The following DBX1 variants were observed in gnomAD, a reference collection of about 807,000 sequenced individuals.
The protein encoded by DBX1 is developing brain homeobox 1, also known as homeobox protein DBX1.
DBX1 carries 10 observed loss-of-function variants against 20.8 expected under a neutral mutation model. That is an observed-to-expected ratio of 0.48 (90% CI 0.30 to 0.82). DBX1 has a LOEUF of 0.82. DBX1 is among the 40% of genes least tolerant of loss of function. The pLI, the probability that DBX1 is intolerant of heterozygous loss-of-function variation, is 0.07. For missense variants in DBX1, 505 were observed against 468.8 expected, an observed-to-expected ratio of 1.08 and a Z score of -0.71; for synonymous variants, 241 against 213.9, an observed-to-expected ratio of 1.13 and a Z score of -1.11.
In DBX1 at chr11:20,160,434, G is replaced by T. The variant is rs1345815668; in HGVS notation, c.-110C>A. On this transcript the variant is annotated 5_prime_UTR_variant, in exon 1 of 4. Transcript: ENST00000524983. ...GTCCTCTCTCTTGGGCTTAGCAAACGTCTCCAAGTAACAATCCCACTTGGG... is the reference window on the plus strand; with the variant it reads ...GTCCTCTCTCTTGGGCTTAGCAAACTTCTCCAAGTAACAATCCCACTTGGG... 1.5e-6 allele frequency: 2 copies of T among 1,339,236 alleles called. No homozygotes were observed. Among genetic ancestry groups the T allele is most frequent in the Non-Finnish European group, 1.9e-6 (2 of 1,034,828 alleles). 83.0% of individuals were successfully genotyped at this position (1,339,236 alleles called of 1,614,324 possible). A position where few individuals can be genotyped will look rare whatever the true frequency, so the allele number is the denominator to read the frequency against.
At position 20,159,864 on chromosome 11, in the gene DBX1, T is replaced by C. The variant is rs545095950; in HGVS notation, c.367+94A>G. The C allele has an allele frequency of 3.9e-6, 6 of 1,553,620 alleles. No individual in the cohort carries two copies. In the African/African-American group the frequency reaches 6.8e-5, roughly 18 times the overall value. ...CGTATTGTGTGTGCACCGATGTGTG[T>C]GTGGGGGCCCGCTCGCTAGAGGAAA... On this transcript the variant is annotated intron_variant, in intron 1 of 3. Transcript: ENST00000524983.
Position 20,156,193 on chromosome 11 carries a change from A to T in DBX1, c.*21T>A. 1 of 1,515,750 alleles carries T rather than the reference A, an allele frequency of 6.6e-7. No homozygotes were observed. The highest frequency in any genetic ancestry group is 8.8e-7 in the Non-Finnish European group (1 of 1,133,236). 93.9% of individuals were successfully genotyped at this position (1,515,750 alleles called of 1,614,324 possible). On this transcript the variant is annotated 3_prime_UTR_variant, in exon 4 of 4. Transcript: ENST00000524983. The surrounding 1 kb of genome is among the most constrained non-coding windows in gnomAD (Gnocchi z 4.8). ...CGATTTCAAAGCACTTAAAAATAGT[A>T]CTCTGGCGTGCGAGCGGCTTCTAGG...
At position 20,156,947 on chromosome 11, in the gene DBX1, A is replaced by C; in HGVS notation, c.672+90T>G. The C allele has an allele frequency of 2.2e-6, 3 of 1,360,128 alleles. No homozygotes were observed. The highest frequency in any genetic ancestry group is 1.5e-5 in the African/African-American group (1 of 66,764). The allele number at this position is 1,360,128 out of a possible 1,614,324, so 84.3% of individuals were successfully genotyped here. A position where few individuals can be genotyped will look rare whatever the true frequency, so the allele number is the denominator to read the frequency against. On this transcript the variant is annotated intron_variant, in intron 3 of 3. Coordinates refer to ENST00000524983, the MANE Select transcript of DBX1 (RefSeq NM_001029865.4). This position sits in a 1 kb window ranked among gnomAD's most constrained non-coding sequence, Gnocchi z 4.8. ...TTTCCCATCTGTACAGTGGGACCTA[A>C]GCCGTTTCCGAACCCTTGCAATTGA...
chr11:20,157,027 A>G lies in DBX1; in HGVS notation c.672+10T>C. 6.2e-7 allele frequency: 1 copy of G among 1,613,372 alleles called. No homozygotes were observed. The highest frequency in any genetic ancestry group is 8.5e-7 in the Non-Finnish European group (1 of 1,179,902). The stretch of plus-strand genomic sequence containing the variant: ...GGGCGGGGGGGGTGCTGTGGAGGAA[A>G]TGCGCTCACCTGCGAGTCTTTCAGG... On this transcript the variant is annotated intron_variant, in intron 3 of 3. Transcript: ENST00000524983.
intron 2 of DBX1, among the ~76,000 whole-genome samples, chr11:20,158,443 T>C (rs897844676): frequency 7.9e-5 from 12 of 152,174 alleles, no homozygotes; most frequent in African/African-American, 2.9e-4. Flanking sequence ...GTTTGAATCA[T>C]CAGTGAGGTT....
At chr11:20,157,286 G>A in intron 2 of DBX1, 47 bp from the exon 3 acceptor site, 19 of 1,485,644 alleles carry the variant, frequency 1.3e-5, no homozygotes, top group South Asian at 2.4e-5. Context: ...ACGCCCCCCA[G>A]TCCCAACACG....
intron 2 of DBX1, 108 bp from the exon 3 acceptor site, chr11:20,157,347 T>G (rs974292496): frequency 9.9e-7 from 1 of 1,011,366 alleles, no homozygotes; most frequent in South Asian, 1.7e-5. Flanking sequence ...AAACGCTCCT[T>G]TTTCTCCCCC....
intron 1 of DBX1, among the ~76,000 whole-genome samples, chr11:20,159,733 G>A (rs1281699238): frequency 6.6e-6 from 1 of 152,234 alleles, no homozygotes; most frequent in Non-Finnish European, 1.5e-5. Flanking sequence ...CTCCGACTGC[G>A]TGTGCTCAAG....
rs1491384953 is a variant in DBX1, at chr11:20,157,006, G to GGGGGC, written c.672+30_672+31insGCCCC. ...CCGGGGAGGGGTGAAGGGCGGGGGC[G>GGGGGC]GGGGGGGTGCTGTGGAGGAAATGCG... On this transcript the variant is annotated intron_variant, in intron 3 of 3. Coordinates refer to ENST00000524983, the MANE Select transcript of DBX1 (RefSeq NM_001029865.4). 1.8e-5 allele frequency: 4 copies of GGGGGC among 227,564 alleles called. No homozygotes were observed. In the Admixed American group the frequency reaches 3.3e-4, roughly 19 times the overall value. The allele number at this position is 227,564 out of a possible 1,614,324, so 14.1% of individuals were successfully genotyped here.
At position 20,156,531 on chromosome 11, in the gene DBX1, A is replaced by G. The variant is rs943990251; in HGVS notation, c.715T>C (p.Ser239Pro). ...FQNRRMKWRN[S>P]KERELLSSGG... ...CTAGACAGGAGTTCGCGCTCCTTGG[A>G]GTTCCGCCATTTCATGCGTCGGTTC... The change falls in exon 4 of 4, where the codon TCC becomes CCC. Residue 239 changes from serine to proline, a missense_variant. Coordinates refer to ENST00000524983, the MANE Select transcript of DBX1 (RefSeq NM_001029865.4). This position sits in a 1 kb window ranked among gnomAD's most constrained non-coding sequence, Gnocchi z 4.8. The G allele has an allele frequency of 1.9e-6, 3 of 1,613,856 alleles. No individual in the cohort carries two copies. Among genetic ancestry groups the G allele is most frequent in the Non-Finnish European group, 2.5e-6 (3 of 1,180,016 alleles).
chr11:20,156,305 G>T lies in DBX1; in HGVS notation c.941C>A (p.Ala314Glu), dbSNP rs775280771. 1 of 1,552,398 alleles carries T rather than the reference G, an allele frequency of 6.4e-7. No individual in the cohort carries two copies. ...RLPGPLPPSP[A>E]HSSSPGKPSD... ...AGGTTTCCCGGGACTGCTCGAGTGC[G>T]CGGGCGAGGGGGGCAGCGGCCCTGG... Residue 314 changes from alanine to glutamate, a missense_variant, in exon 4 of 4, where the codon GCG becomes GAG. By Grantham distance (107) the Ala-to-Glu change is moderately radical. Transcript: ENST00000524983. The surrounding 1 kb of genome is among the most constrained non-coding windows in gnomAD (Gnocchi z 4.8).
chr11:20,156,706 G>T lies in DBX1; in HGVS notation c.673-133C>A. ...GGGCTGTGTCCTCTCCCCACCCCCAGAAATGAGTTCCGGTGGATTCCCGCA... is the reference window on the plus strand; with the variant it reads ...GGGCTGTGTCCTCTCCCCACCCCCATAAATGAGTTCCGGTGGATTCCCGCA... On this transcript the variant is annotated intron_variant, in intron 3 of 3. Transcript: ENST00000524983. This position sits in a 1 kb window ranked among gnomAD's most constrained non-coding sequence, Gnocchi z 4.8. 7.4e-7 allele frequency: 1 copy of T among 1,351,038 alleles called. No homozygotes were observed. 83.7% of individuals were successfully genotyped at this position (1,351,038 alleles called of 1,614,324 possible).
chr11:20,159,475 A>C (rs900180428), intron 1 of DBX1, among the ~76,000 whole-genome samples, 183 bp from the exon 2 acceptor site: 2 of 152,058 alleles, frequency 1.3e-5, no homozygotes, highest in African/African-American at 4.8e-5. Flanking sequence ...TTATCTGTAA[A>C]ACTCTTTTCT....
chr11:20,157,432 C>T (rs1023601659), intron 2 of DBX1, among the ~76,000 whole-genome samples, 193 bp from the exon 3 acceptor site: 2 of 152,238 alleles, frequency 1.3e-5, no homozygotes, highest in African/African-American at 4.8e-5. Flanking sequence ...TCCCTTTCAA[C>T]CGTGCAAACC....
At position 20,160,334 on chromosome 11, in the gene DBX1, G is replaced by A. The variant is rs150660923; in HGVS notation, c.-10C>T. ...GGCCGGGGAACATCATGGTAGGCGC[G>A]GGCGGGCGAAATAACCCTTCTTTCA... On this transcript the variant is annotated 5_prime_UTR_variant, in exon 1 of 4. Coordinates refer to ENST00000524983, the MANE Select transcript of DBX1 (RefSeq NM_001029865.4). The A allele has an allele frequency of 5.4e-6, 8 of 1,494,368 alleles. No homozygotes were observed. Among genetic ancestry groups the A allele is most frequent in the Non-Finnish European group, 3.6e-6 (4 of 1,124,776 alleles). 92.6% of individuals were successfully genotyped at this position (1,494,368 alleles called of 1,614,324 possible). A position where few individuals can be genotyped will look rare whatever the true frequency, so the allele number is the denominator to read the frequency against.
Position 20,156,304 on chromosome 11 carries a change from C to A in DBX1, c.942G>T (p.Ala314=), listed in dbSNP as rs770999501. 1.3e-6 allele frequency: 2 copies of A among 1,552,130 alleles called. No individual in the cohort carries two copies. The highest frequency in any genetic ancestry group is 2.3e-5 in the East Asian group (1 of 44,368). ...AAGGTTTCCCGGGACTGCTCGAGTG[C>A]GCGGGCGAGGGGGGCAGCGGCCCTG... is the stretch of plus-strand genomic sequence containing the variant. ...RLPGPLPPSP[A]HSSSPGKPSD... is the part of the protein sequence containing the mutation. Residue 314 remains alanine, a synonymous_variant, in exon 4 of 4, where the codon GCG becomes GCT. Transcript: ENST00000524983. This position sits in a 1 kb window ranked among gnomAD's most constrained non-coding sequence, Gnocchi z 4.8.
chr11:20,156,960 C>A lies in DBX1; in HGVS notation c.672+77G>T, dbSNP rs914483095. 9.4e-6 allele frequency: 14 copies of A among 1,496,752 alleles called. No homozygotes were observed. In the Admixed American group the frequency reaches 2.2e-4, roughly 24 times the overall value. 92.7% of individuals were successfully genotyped at this position (1,496,752 alleles called of 1,614,324 possible). ...CAGTGGGACCTAAGCCGTTTCCGAA[C>A]CCTTGCAATTGACGGGTGCGCCGGG... On this transcript the variant is annotated intron_variant, in intron 3 of 3. Transcript: ENST00000524983. The surrounding 1 kb of genome is among the most constrained non-coding windows in gnomAD (Gnocchi z 4.8).
In DBX1 at chr11:20,156,514, G is replaced by T. The variant is rs1049798944; in HGVS notation, c.732C>A (p.Leu244=). The change falls in exon 4 of 4, where the codon CTC becomes CTA. Residue 244 remains leucine (L), a synonymous_variant. Coordinates refer to ENST00000524983, the MANE Select transcript of DBX1 (RefSeq NM_001029865.4). This position sits in a 1 kb window ranked among gnomAD's most constrained non-coding sequence, Gnocchi z 4.8. ...MKWRNSKERE[L]LSSGGCREQT... is the part of the protein sequence containing the mutation. ...GCTCGCGACAGCCCCCGCTAGACAG[G>T]AGTTCGCGCTCCTTGGAGTTCCGCC... The T allele has an allele frequency of 1.9e-6, 3 of 1,613,918 alleles. No individual in the cohort carries two copies. In the African/African-American group the frequency reaches 4.0e-5, roughly 22 times the overall value.
chr11:20,159,964 T>C lies in DBX1; in HGVS notation c.361A>G (p.Arg121Gly), dbSNP rs1177704564. 2 of 1,613,976 alleles carry C rather than the reference T, an allele frequency of 1.2e-6. No homozygotes were observed. The highest frequency in any genetic ancestry group is 1.7e-6 in the Non-Finnish European group (2 of 1,180,022). ...GVNAILSSGP[R>G]TETSPALLQS... ...GGGTTCTGACCTCGCTTACCTGTTC[T>C]GGGCCCCGAGGAGAGGATGGCGTTC... The change falls in exon 1 of 4, where the codon AGA (arginine) becomes GGA (glycine). Residue 121 changes from arginine to glycine, a missense_variant. By Grantham distance (125) the Arg-to-Gly change is moderately radical. Coordinates refer to ENST00000524983, the MANE Select transcript of DBX1 (RefSeq NM_001029865.4).
Sources: gnomAD v4.1 joint callset for allele counts (sites outside exome capture counted in the v4.1 genomes callset) on GRCh38, gnomAD v4.1.1 for gene constraint, Gnocchi (gnomAD v3.1) non-coding constraint, MANE v1.5 for transcripts, NCBI Gene and HGNC (gene_info 2026-07-23, HGNC 2026-07-21) for gene names.